The following NUP188 variants were observed in gnomAD, a reference collection of about 807,000 sequenced individuals.
NUP188 encodes nucleoporin NUP188.
A neutral mutation model predicts 223.0 loss-of-function variants in NUP188; 97 were observed. The ratio of observed to expected loss-of-function variants is 0.43; its 90% CI spans 0.37 to 0.51. The LOEUF (loss-of-function observed/expected upper bound fraction) is 0.51, where lower values mean the gene tolerates loss of function less well. NUP188 is among the 20% of genes least tolerant of loss of function. The probability of loss-of-function intolerance (pLI) is 0.00; values close to 1 mark genes in which losing one functional copy is unlikely to be tolerated. For synonymous variants in NUP188, 869 were observed against 828.0 expected, an observed-to-expected ratio of 1.05 and a Z score of -0.85; for missense variants, 1,947 against 2,175.6, an observed-to-expected ratio of 0.89 and a Z score of 2.09.
intron 30 of NUP188, among the ~76,000 whole-genome samples, chr9:128,995,989 G>A (rs1358005497): frequency 6.6e-6 from 1 of 152,162 alleles, no homozygotes; most frequent in Non-Finnish European, 1.5e-5. Flanking sequence ...AAGAACAGAG[G>A]CCATTGTCTC....
chr9:128,994,259 T>C, intron 27 of NUP188, 114 bp from the exon 28 acceptor site: 2 of 737,568 alleles, frequency 2.7e-6, no homozygotes, highest in Middle Eastern at 2.5e-4. Context: ...ATCAGACACA[T>C]ATTAGGATTG....
intron 31 of NUP188, 77 bp downstream of exon 31, chr9:128,998,305 G>A: frequency 7.6e-7 from 1 of 1,317,758 alleles, no homozygotes; most frequent in South Asian, 1.2e-5. Context: ...TCATGAGTCT[G>A]CCAGCCAGCC....
intron 30 of NUP188, 103 bp downstream of exon 30, chr9:128,995,617 T>A: frequency 4.9e-6 from 5 of 1,023,782 alleles, no homozygotes; most frequent in Middle Eastern, 3.3e-4. Flanking sequence ...TTAATCAGGG[T>A]TTATCCCTGA....
At chr9:128,997,502 T>C (rs562971933) in intron 30 of NUP188, among the ~76,000 whole-genome samples, 37 of 152,266 alleles carry the variant, frequency 2.4e-4, no homozygotes, top group African/African-American at 7.7e-4. Context: ...TTACTTTATT[T>C]TTTAGGGAAC....
chr9:128,957,571 TCTC>T (rs1269915449), intron 5 of NUP188, among the ~76,000 whole-genome samples: 1 of 151,990 alleles, frequency 6.6e-6, no homozygotes, highest in Non-Finnish European at 1.5e-5. Context: ...TTCACGCCAT[TCTC>T]CTGCCTCAGC....
At chr9:128,983,112 C>T in intron 17 of NUP188, 84 bp downstream of exon 17, 1 of 1,559,092 alleles carries the variant, frequency 6.4e-7, no homozygotes, top group Non-Finnish European at 8.8e-7. Flanking sequence ...TGGACACATA[C>T]CCACTGGGTT....
chr9:129,005,722 C>A lies in NUP188; in HGVS notation c.4815C>A (p.Pro1605=), dbSNP rs1379825470. 2 of 1,614,042 alleles carry A rather than the reference C, an allele frequency of 1.2e-6. No individual in the cohort carries two copies. Among genetic ancestry groups the A allele is most frequent in the Non-Finnish European group, 1.7e-6 (2 of 1,180,020 alleles). ...CCACCTTTGACTCCGAAGTGGCCCC[C>A]TCCTTCGGGACCCTTCTGGCCACAG... ...TTPTFDSEVA[P]SFGTLLATVN... Residue 1605 remains proline (P), a synonymous_variant, in exon 41 of 44, where the codon CCC becomes CCA. Transcript: ENST00000372577.
chr9:128,983,206 C>G, intron 17 of NUP188, 87 bp from the exon 18 acceptor site: 8 of 1,394,222 alleles, frequency 5.7e-6, no homozygotes, highest in Non-Finnish European at 8.1e-6. Context: ...AGGGGAGAGA[C>G]TGGGGAGAGA....
At chr9:128,956,878 G>A in intron 4 of NUP188, 74 bp from the exon 5 acceptor site, 1 of 1,026,994 alleles carries the variant, frequency 9.7e-7, no homozygotes, top group Non-Finnish European at 1.5e-6. Context: ...CATTGTAGAA[G>A]ACAAATCTTT....
rs528615659 is a variant in NUP188, at chr9:129,006,793, C to G, written c.*115C>G. The G allele has an allele frequency of 2.8e-3, 3,203 of 1,124,506 alleles. 6 individuals are homozygous for G. The highest frequency in any genetic ancestry group is 3.7e-3 in the Non-Finnish European group (3,031 of 810,488). The allele number at this position is 1,124,506 out of a possible 1,614,324, so 69.7% of individuals were successfully genotyped here. A position where few individuals can be genotyped will look rare whatever the true frequency, so the allele number is the denominator to read the frequency against. On this transcript the variant is annotated 3_prime_UTR_variant, in exon 44 of 44. Coordinates refer to ENST00000372577, the MANE Select transcript of NUP188 (RefSeq NM_015354.3). ...AATGGAGGGCACCTCCTGTCACCCC[C>G]CTCCCGGAGTAGCCACGACTCCAGC...
At chr9:129,003,088 T>A in intron 37 of NUP188, 113 bp downstream of exon 37, 2 of 1,259,806 alleles carry the variant, frequency 1.6e-6, no homozygotes, top group Non-Finnish European at 2.2e-6. Flanking sequence ...GGGTTGTCGA[T>A]GCCTTCATTT....
At chr9:129,004,901 CCT>C (rs1200269024) in intron 38 of NUP188, 1 of 565,596 alleles carries the variant, frequency 1.8e-6, no homozygotes, top group African/African-American at 1.9e-5. Flanking sequence ...AGTTTGTAGC[CCT>C]GAGTACTTAG....
chr9:128,979,321 G>T lies in NUP188; in HGVS notation c.1263G>T (p.Trp421Cys), dbSNP rs1464197534. Residue 421 changes from tryptophan (W) to cysteine (C), a missense_variant, in exon 13 of 44, where the codon TGG becomes TGT. By Grantham distance (215) the Trp-to-Cys change is radical. Transcript: ENST00000372577. Reference protein sequence around the residue: ...LADPSLPELFWGTEPTSGLGI... With the variant: ...LADPSLPELFCGTEPTSGLGI... ...ACCCTTCTCTTCCGGAACTGTTCTGGGGAACAGTAAGTATGTCAGAGAGAG... is the reference window on the plus strand; with the variant it reads ...ACCCTTCTCTTCCGGAACTGTTCTGTGGAACAGTAAGTATGTCAGAGAGAG... 4 of 1,607,048 alleles carry T rather than the reference G, an allele frequency of 2.5e-6. No homozygotes were observed. Among genetic ancestry groups the T allele is most frequent in the Admixed American group, 1.7e-5 (1 of 59,882 alleles).
At position 128,955,791 on chromosome 9, in the gene NUP188, T is replaced by C. The variant is rs191948185; in HGVS notation, c.162-559T>C. On this transcript the variant is annotated intron_variant, in intron 3 of 43. Coordinates refer to ENST00000372577, the MANE Select transcript of NUP188 (RefSeq NM_015354.3). ...CAACCAATTCTCCAAGGAATCCTGT[T>C]ATTAGAGAATGGTATTATAAAGCAG... 1.3e-5 allele frequency among the ~76,000 whole-genome samples: 2 copies of C among 152,136 alleles called. 1 individual carries two copies. Among genetic ancestry groups the C allele is most frequent in the African/African-American group, 4.8e-5 (2 of 41,420 alleles).
Position 128,967,285 on chromosome 9 carries a change from T to C in NUP188, c.586-1221T>C, listed in dbSNP as rs114620841. ...TTGGCCTCCCAAAGTATTCAAGTAT[T>C]AGGCTTATAGACGTGAGCCACCCTG... is the stretch of plus-strand genomic sequence containing the variant. On this transcript the variant is annotated intron_variant, in intron 8 of 43. Transcript: ENST00000372577. Among the ~76,000 whole-genome samples the C allele has an allele frequency of 3.7e-3, 559 of 152,258 alleles. 1 individual carries two copies. Among genetic ancestry groups the C allele is most frequent in the African/African-American group, 0.012 (492 of 41,542 alleles).
Position 128,966,385 on chromosome 9 carries a change from T to G in NUP188, c.586-2121T>G, listed in dbSNP as rs533392840. ...TGGATGTTTTTTGTAAATATCTGGG[T>G]TTTTTTTTTGAGACAGGTTCTTTCT... On this transcript the variant is annotated intron_variant, in intron 8 of 43. Coordinates refer to ENST00000372577, the MANE Select transcript of NUP188 (RefSeq NM_015354.3). Among the ~76,000 whole-genome samples, 278 of 147,570 alleles carry G rather than the reference T, an allele frequency of 1.9e-3. 1 individual carries two copies. The highest frequency in any genetic ancestry group is 6.6e-3 in the African/African-American group (267 of 40,296).
In NUP188 at chr9:128,998,158, T is replaced by A; in HGVS notation, c.3359T>A (p.Ile1120Lys). 5.0e-6 allele frequency: 8 copies of A among 1,613,558 alleles called. No individual in the cohort carries two copies. The highest frequency in any genetic ancestry group is 6.8e-6 in the Non-Finnish European group (8 of 1,179,428). The change falls in exon 31 of 44, where the codon ATA becomes AAA. Residue 1120 changes from isoleucine to lysine, a missense_variant. By Grantham distance (102) the Ile-to-Lys change is moderately radical. This residue lies in a region of NUP188 where 905 missense variants were observed against 990.6 expected (regional missense o/e 0.91). Transcript: ENST00000372577. ...TTTTCTGTTCCTTTGCAGGCAGATA[T>A]AATGCACCTGACTGACTCTGTGGTG... ...LLIIATTHAD[I>K]MHLTDSVVRR...
rs542420981 is a variant in NUP188 at position 128,969,639 on chromosome 9, A to T, written c.912+125A>T. On this transcript the variant is annotated intron_variant, in intron 10 of 43. Transcript: ENST00000372577. ...CATTGTTCAGTGATGCAGAGGTTCT[A>T]CAATGTTTTCGTTTTGTTTTGTTTT... 8.7e-4 allele frequency: 480 copies of T among 554,740 alleles called. 7 individuals are homozygous for T. The South Asian group carries it at 9.7e-3, about 11-fold the overall frequency. The allele number at this position is 554,740 out of a possible 1,614,324, so 34.4% of individuals were successfully genotyped here. A position where few individuals can be genotyped will look rare whatever the true frequency, so the allele number is the denominator to read the frequency against.
chr9:129,004,824 C>T (rs1421553046), intron 38 of NUP188: 1 of 386,430 alleles, frequency 2.6e-6, no homozygotes, highest in African/African-American at 2.0e-5. Flanking sequence ...ACTTTAGGAC[C>T]TTACAATATA....
Sources: gnomAD v4.1 joint callset for allele counts (sites outside exome capture counted in the v4.1 genomes callset) on GRCh38, gnomAD v4.1.1 for gene constraint, gnomAD v4.1.1 regional missense constraint, MANE v1.5 for transcripts, NCBI Gene and HGNC (gene_info 2026-07-23, HGNC 2026-07-21) for gene names.